The following KHDRBS1 variants were observed in gnomAD, a reference collection of about 807,000 sequenced individuals.
The protein encoded by KHDRBS1 is KH RNA binding domain containing, signal transduction associated 1.
A neutral mutation model predicts 48.4 loss-of-function variants in KHDRBS1; 7 were observed. That is an observed-to-expected ratio of 0.14 (90% confidence interval 0.08 to 0.27). KHDRBS1 has a LOEUF of 0.27. Among genes scored for constraint, KHDRBS1 ranks in the 10% least tolerant of loss-of-function variants. The pLI, the probability that KHDRBS1 is intolerant of heterozygous loss-of-function variation, is 1.00. For missense variants in KHDRBS1, 458 were observed against 601.2 expected, an observed-to-expected ratio of 0.76 and a Z score of 2.49; for synonymous variants, 241 against 235.8, an observed-to-expected ratio of 1.02 and a Z score of -0.20.
chr1:32,014,740 C>T (rs1451351763), intron 1 of KHDRBS1, among the ~76,000 whole-genome samples: 1 of 152,186 alleles, frequency 6.6e-6, no homozygotes, highest in Non-Finnish European at 1.5e-5. Context: ...TGAAGGGAAA[C>T]CCTTTTTGAT....
chr1:32,031,875 A>G (rs1488889055), intron 3 of KHDRBS1, among the ~76,000 whole-genome samples: 1 of 152,224 alleles, frequency 6.6e-6, no homozygotes, highest in Admixed American at 6.5e-5. Context: ...TTGACTGTGT[A>G]GTAATGGAAA....
intron 1 of KHDRBS1, among the ~76,000 whole-genome samples, chr1:32,017,514 G>A (rs1470435665): frequency 5.3e-5 from 8 of 151,412 alleles, no homozygotes; most frequent in Admixed American, 5.3e-4. Context: ...TTTGTTTTCT[G>A]GAAGAGAAAT....
chr1:32,044,870 CTG>C (rs1296976476), downstream of KHDRBS1, among the ~76,000 whole-genome samples: 1 of 152,178 alleles, frequency 6.6e-6, no homozygotes, highest in Non-Finnish European at 1.5e-5. Flanking sequence ...TTTACATAAA[CTG>C]TGACAGCAAC....
chr1:32,042,582 A>T lies in KHDRBS1; in HGVS notation c.1290A>T (p.Pro430=). 6.2e-7 allele frequency: 1 copy of T among 1,613,662 alleles called. No homozygotes were observed. Among genetic ancestry groups the T allele is most frequent in the South Asian group, 1.1e-5 (1 of 91,064 alleles). ...CGCTGAAGGCCCCTCCTGCTAGGCC[A>T]GTGAAGGGAGCATACAGAGAGCACC... is the stretch of plus-strand genomic sequence containing the variant. ...RPSLKAPPAR[P]VKGAYREHPY... Residue 430 remains proline (P), a synonymous_variant, in exon 9 of 9, where the codon CCA becomes CCT. Transcript: ENST00000327300.
At chr1:32,042,494 A>G (rs1212860134) in intron 8 of KHDRBS1, 33 bp from the exon 9 acceptor site, 7 of 1,475,254 alleles carry the variant, frequency 4.7e-6, no homozygotes, top group East Asian at 2.3e-5. Context: ...CTGTCGCCAC[A>G]TGGTTTATAA....
At chr1:32,025,037 G>A (rs1299423013) in intron 1 of KHDRBS1, among the ~76,000 whole-genome samples, 3 of 151,898 alleles carry the variant, frequency 2.0e-5, no homozygotes, top group Non-Finnish European at 2.9e-5. Flanking sequence ...GGAGGCCGAA[G>A]TGGAAGGATC....
intron 10 of KHDRBS1, among the ~76,000 whole-genome samples, chr1:32,058,819 C>G (rs1254196708): frequency 1.3e-5 from 2 of 151,904 alleles, no homozygotes; most frequent in Non-Finnish European, 2.9e-5. Flanking sequence ...CAAAAAAGGT[C>G]TATAGTAGAG....
chr1:32,057,808 AAAG>A (rs1187126331), intron 10 of KHDRBS1, among the ~76,000 whole-genome samples: 5 of 147,316 alleles, frequency 3.4e-5, no homozygotes, highest in East Asian at 2.1e-4. Context: ...CAAAAAAAAA[AAAG>A]AGAGAGAGAG....
intron 5 of KHDRBS1, 62 bp downstream of exon 5, chr1:32,037,105 T>C (rs1420850924): frequency 1.5e-5 from 24 of 1,559,502 alleles, no homozygotes; most frequent in Non-Finnish European, 1.7e-5. Flanking sequence ...TCATCTCTTT[T>C]AGTGGTGCTC....
chr1:32,038,721 G>T, intron 7 of KHDRBS1, 102 bp downstream of exon 7: 2 of 1,178,458 alleles, frequency 1.7e-6, no homozygotes, highest in South Asian at 2.6e-5. Context: ...GAGCAGAATG[G>T]TTCGCCTTTT....
intron 10 of KHDRBS1, among the ~76,000 whole-genome samples, chr1:32,056,674 T>C (rs1256698396): frequency 1.3e-5 from 2 of 152,224 alleles, no homozygotes; most frequent in Admixed American, 6.5e-5. Flanking sequence ...TCCTCAGGTC[T>C]CAGGCTCTCT....
At chr1:32,046,349 G>A (rs1446933447), downstream of KHDRBS1, among the ~76,000 whole-genome samples, 1 of 152,056 alleles carries the variant, frequency 6.6e-6, no homozygotes, top group African/African-American at 2.4e-5. Context: ...GAGTACCTGG[G>A]ACTACAGGCA....
At chr1:32,030,227 T>C in intron 1 of KHDRBS1, 71 bp from the exon 2 acceptor site, 1 of 1,315,538 alleles carries the variant, frequency 7.6e-7, no homozygotes, top group East Asian at 2.4e-5. Context: ...TATTCCATGT[T>C]ATTGCTTTAA....
At chr1:32,017,119 G>A (rs1030414653) in intron 1 of KHDRBS1, among the ~76,000 whole-genome samples, 1 of 152,050 alleles carries the variant, frequency 6.6e-6, no homozygotes, top group Non-Finnish European at 1.5e-5. Flanking sequence ...TTAGCCGGGC[G>A]TGGTGGCACA....
intron 4 of KHDRBS1, 118 bp from the exon 5 acceptor site, chr1:32,036,792 G>A: frequency 2.7e-6 from 3 of 1,097,676 alleles, no homozygotes; most frequent in Non-Finnish European, 3.9e-6. Flanking sequence ...GGAATGACCT[G>A]AGACCTCATC....
At position 32,037,921 on chromosome 1, in the gene KHDRBS1, G is replaced by A. The variant is rs1294530012; in HGVS notation, c.992G>A (p.Arg331Gln). ...GAITRGATVT[R>Q]GVPPPPTVRG... The stretch of plus-strand genomic sequence containing the variant: ...ATCACCAGAGGTGCCACTGTGACTC[G>A]AGGCGTGCCACCCCCACCTACTGTG... The change falls in exon 6 of 9, where the codon CGA (arginine) becomes CAA (glutamine). Residue 331 changes from arginine to glutamine, a missense_variant. Physicochemically the swap from Arg to Gln is conservative, Grantham distance 43. Coordinates refer to ENST00000327300, the MANE Select transcript of KHDRBS1 (RefSeq NM_006559.3). The A allele has an allele frequency of 1.2e-6, 2 of 1,614,112 alleles. No individual in the cohort carries two copies. Among genetic ancestry groups the A allele is most frequent in the Non-Finnish European group, 1.7e-6 (2 of 1,180,058 alleles).
intron 4 of KHDRBS1, among the ~76,000 whole-genome samples, chr1:32,035,300 G>A (rs557785945): frequency 1.1e-4 from 16 of 152,236 alleles, no homozygotes; most frequent in Admixed American, 2.0e-4. Context: ...CTGAGCAATG[G>A]TCTGGCATTG....
chr1:32,020,825 T>C (rs1638843216), intron 1 of KHDRBS1, among the ~76,000 whole-genome samples: 1 of 152,142 alleles, frequency 6.6e-6, no homozygotes, highest in African/African-American at 2.4e-5. Flanking sequence ...TGACTGGCTA[T>C]CAAAGGGTAA....
Position 32,018,315 on chromosome 1 carries a change from C to T in KHDRBS1, c.382+3938C>T, listed in dbSNP as rs190203666. Reference sequence around the variant, plus strand: ...CTCTACTAAAAATACAAAAAATTACCCCTGGTGTGGTGGTGGGCGCCTGTA... The same window carrying T: ...CTCTACTAAAAATACAAAAAATTACTCCTGGTGTGGTGGTGGGCGCCTGTA... On this transcript the variant is annotated intron_variant, in intron 1 of 8. Transcript: ENST00000327300. Among the ~76,000 whole-genome samples the T allele has an allele frequency of 5.3e-5, 8 of 150,176 alleles. No individual in the cohort carries two copies. The East Asian group carries it at 1.6e-3, about 30-fold the overall frequency.
Sources: allele counts gnomAD v4.1 joint callset (sites outside exome capture counted in the v4.1 genomes callset), GRCh38; gene constraint gnomAD v4.1.1; transcripts MANE v1.5; gene names NCBI Gene and HGNC (gene_info 2026-07-23, HGNC 2026-07-21).